CAMTA1: variants seen among roughly 807,000 people sequenced by gnomAD.
The protein encoded by CAMTA1 is calmodulin binding transcription activator 1.
CAMTA1 carries 27 observed loss-of-function variants against 170.9 expected under a neutral mutation model. That is an observed-to-expected ratio of 0.16 (90% CI 0.12 to 0.22). CAMTA1 has a LOEUF of 0.22. Among genes scored for constraint, CAMTA1 ranks in the 10% least tolerant of loss-of-function variants. The pLI, the probability that CAMTA1 is intolerant of heterozygous loss-of-function variation, is 1.00. For missense variants in CAMTA1, 1,619 were observed against 2,217.2 expected (o/e 0.73, Z 5.42); for synonymous variants, 833 against 891.5 (o/e 0.93, Z 1.17).
intron 6 of CAMTA1, among the ~76,000 whole-genome samples, chr1:7,625,453 C>T (rs74386759): frequency 0.023 from 3,507 of 152,312 alleles, 128 homozygotes; most frequent in African/African-American, 0.079. Context: ...AAGCAGGATG[C>T]TTAGAGTTGC....
At chr1:7,309,286 AATTTTTTTT>A (rs1401263302) in intron 5 of CAMTA1, among the ~76,000 whole-genome samples, 21 of 142,894 alleles carry the variant, frequency 1.5e-4, no homozygotes, top group African/African-American at 5.5e-4. Flanking sequence ...GCAGTTAGAA[AATTTTTTTT>A]TTTTTTTTTT....
intron 4 of CAMTA1, among the ~76,000 whole-genome samples, chr1:7,184,717 A>G (rs929455819): frequency 6.6e-6 from 1 of 152,206 alleles, no homozygotes; most frequent in Non-Finnish European, 1.5e-5. Flanking sequence ...ATATCTGTTT[A>G]TATGCTTTTG....
intron 3 of CAMTA1, among the ~76,000 whole-genome samples, chr1:6,982,837 C>T (rs987502107): frequency 5.3e-5 from 8 of 152,110 alleles, no homozygotes; most frequent in East Asian, 3.9e-4. Context: ...GGAGCAGGAG[C>T]GATCCTGCCT....
chr1:7,077,658 T>C lies in CAMTA1; in HGVS notation c.235-13646T>C, dbSNP rs573056924. On this transcript the variant is annotated intron_variant, in intron 3 of 22. Transcript: ENST00000303635. Reference sequence around the variant, plus strand: ...TGTTAATTTTAAGATGGCTGGCTTCTGTTTTTATTAGTTTTATTGGGTTTG... The same window carrying C: ...TGTTAATTTTAAGATGGCTGGCTTCCGTTTTTATTAGTTTTATTGGGTTTG... 5.3e-5 allele frequency among the ~76,000 whole-genome samples: 8 copies of C among 152,186 alleles called. No homozygotes were observed. The South Asian group carries it at 1.7e-3, about 32-fold the overall frequency.
intron 11 of CAMTA1, among the ~76,000 whole-genome samples, chr1:7,707,101 G>T (rs1283153303): frequency 1.3e-5 from 2 of 152,006 alleles, no homozygotes; most frequent in Non-Finnish European, 2.9e-5. Context: ...GGCCAGGCTG[G>T]TCTTGAACTC....
At chr1:7,029,511 A>G (rs1453943271) in intron 3 of CAMTA1, among the ~76,000 whole-genome samples, 4 of 151,252 alleles carry the variant, frequency 2.6e-5, no homozygotes, top group Non-Finnish European at 5.9e-5. Flanking sequence ...AAAAAAAAAA[A>G]AAATCAAGGG....
rs1216729965 is a variant in CAMTA1 at position 7,249,881 on chromosome 1, C to T, written c.438+255C>T. 6.6e-6 allele frequency among the ~76,000 whole-genome samples: 1 copy of T among 152,202 alleles called. No homozygotes were observed. Among genetic ancestry groups the T allele is most frequent in the African/African-American group, 2.4e-5 (1 of 41,444 alleles). On this transcript the variant is annotated intron_variant, in intron 5 of 22. Coordinates refer to ENST00000303635, the MANE Select transcript of CAMTA1 (RefSeq NM_015215.4). This position sits in a 1 kb window ranked among gnomAD's most constrained non-coding sequence, Gnocchi z 4.4. ...TCATTGCTATATAGATGGGGATTTGCAAGTTTCCTGTGGACTCATTTGTTG... is the reference window on the plus strand; with the variant it reads ...TCATTGCTATATAGATGGGGATTTGTAAGTTTCCTGTGGACTCATTTGTTG...
At chr1:6,925,653 A>T (rs1682944794) in intron 3 of CAMTA1, among the ~76,000 whole-genome samples, 1 of 152,142 alleles carries the variant, frequency 6.6e-6, no homozygotes, top group Non-Finnish European at 1.5e-5. Context: ...TTCCTTCTGC[A>T]GAGAGGCTGG....
intron 22 of CAMTA1, among the ~76,000 whole-genome samples, chr1:7,763,373 A>T (rs985086182): frequency 2.6e-5 from 4 of 152,246 alleles, no homozygotes; most frequent in Admixed American, 2.0e-4. Flanking sequence ...GCTAAGAACT[A>T]AATTCTCCAC....
At chr1:7,194,745 C>A (rs897287747) in intron 4 of CAMTA1, among the ~76,000 whole-genome samples, 2 of 152,136 alleles carry the variant, frequency 1.3e-5, no homozygotes, top group African/African-American at 4.8e-5. Context: ...AGGAGAGGGC[C>A]GTGCAGTCCC....
intron 3 of CAMTA1, among the ~76,000 whole-genome samples, chr1:7,053,057 C>T (rs1706692770): frequency 6.6e-6 from 1 of 152,216 alleles, no homozygotes; most frequent in South Asian, 2.1e-4. Flanking sequence ...AGAGCGGACA[C>T]AGCCATGCAG....
intron 3 of CAMTA1, among the ~76,000 whole-genome samples, chr1:6,986,272 C>T (rs1173366657): frequency 6.6e-6 from 1 of 152,202 alleles, no homozygotes; most frequent in African/African-American, 2.4e-5. Flanking sequence ...CTCTGAGCAT[C>T]AAAGGATGGT....
At chr1:7,379,469 T>G (rs1382342404) in intron 5 of CAMTA1, among the ~76,000 whole-genome samples, 1 of 152,194 alleles carries the variant, frequency 6.6e-6, no homozygotes. Context: ...TTCGGGAAGT[T>G]TCTTCTTTGG....
At chr1:7,383,154 G>A (rs888450893) in intron 5 of CAMTA1, among the ~76,000 whole-genome samples, 1 of 152,146 alleles carries the variant, frequency 6.6e-6, no homozygotes, top group Non-Finnish European at 1.5e-5. Context: ...CACATGGAGA[G>A]TGTGGGTCGT....
intron 11 of CAMTA1, among the ~76,000 whole-genome samples, chr1:7,722,682 T>C (rs1375901577): frequency 2.7e-5 from 4 of 150,792 alleles, no homozygotes; most frequent in Admixed American, 2.7e-4. Flanking sequence ...GAAGGTCTCT[T>C]TTTTTTTTAG....
At chr1:7,474,061 G>A (rs1437038893) in intron 6 of CAMTA1, among the ~76,000 whole-genome samples, 3 of 152,240 alleles carry the variant, frequency 2.0e-5, no homozygotes, top group African/African-American at 7.2e-5. Flanking sequence ...TGAGTGGATG[G>A]GCACCATCAG....
chr1:6,861,469 A>G (rs915217213), intron 3 of CAMTA1, among the ~76,000 whole-genome samples: 4 of 152,230 alleles, frequency 2.6e-5, no homozygotes, highest in African/African-American at 9.6e-5. Context: ...CATTAAAAAT[A>G]AGAATATTTG....
intron 5 of CAMTA1, among the ~76,000 whole-genome samples, chr1:7,416,214 T>C (rs1403448071): frequency 1.3e-5 from 2 of 152,188 alleles, no homozygotes; most frequent in African/African-American, 4.8e-5. Flanking sequence ...ATTTCAACTT[T>C]GGTGAATCTG....
intron 5 of CAMTA1, among the ~76,000 whole-genome samples, chr1:7,406,176 A>C: frequency 6.6e-6 from 1 of 152,258 alleles, no homozygotes; most frequent in East Asian, 1.9e-4. Flanking sequence ...CCAGAGGATG[A>C]GAAGGGCTAT....
Sources: allele counts gnomAD v4.1 joint callset (sites outside exome capture counted in the v4.1 genomes callset), GRCh38; gene constraint gnomAD v4.1.1; non-coding constraint Gnocchi (gnomAD v3.1); transcripts MANE v1.5; gene names NCBI Gene and HGNC (gene_info 2026-07-23, HGNC 2026-07-21).